TCF20: variants seen among roughly 807,000 people sequenced by gnomAD.
The protein encoded by TCF20 is transcription factor 20.
In TCF20, 3 loss-of-function variants were observed where a neutral mutation model predicts 148.6. The observed-to-expected ratio is 0.02, with a 90% confidence interval of 0.01 to 0.05. The LOEUF (loss-of-function observed/expected upper bound fraction) is 0.05. Ranked by LOEUF, TCF20 falls within the 10% of genes least tolerant of loss-of-function variation. TCF20 has a pLI of 1.00. For missense variants in TCF20, 2,350 were observed against 2,429.3 expected, an observed-to-expected ratio of 0.97 and a Z score of 0.69; for synonymous variants, 1,049 against 909.5, an observed-to-expected ratio of 1.15 and a Z score of -2.76.
chr22:42,269,767 G>C (rs1387174427), intron 1 of TCF20: 1 of 152,792 alleles, frequency 6.5e-6, no homozygotes, highest in Non-Finnish European at 1.5e-5. Context: ...CAACAGGCGA[G>C]AAGCAGCCGC....
At chr22:42,179,535 G>C in intron 3 of TCF20, 74 bp downstream of exon 3, 36 of 642,380 alleles carry the variant, frequency 5.6e-5, no homozygotes, top group Non-Finnish European at 8.6e-5. Context: ...AAAAAACAAC[G>C]ACAACAGAGA....
intron 1 of TCF20, among the ~76,000 whole-genome samples, chr22:42,313,474 G>C (rs1382786044): frequency 2.0e-5 from 3 of 152,142 alleles, no homozygotes; most frequent in African/African-American, 4.8e-5. Flanking sequence ...ACCTCCTCCA[G>C]GGGGTGCCTC....
Position 42,214,923 on chromosome 22 carries a change from T to C in TCF20, c.383A>G (p.Asn128Ser), listed in dbSNP as rs748499160. The C allele has an allele frequency of 1.7e-5, 28 of 1,614,058 alleles. No individual in the cohort carries two copies. Among genetic ancestry groups the C allele is most frequent in the Admixed American group, 8.3e-5 (5 of 59,998 alleles). ...YGPPQGSSFG[N>S]QYGSEGHVGQ... is the part of the protein sequence containing the mutation. ...CACATGACCCTCACTCCCATACTGA[T>C]TGCCAAAGCTGCTCCCCTGGGGGGG... The change falls in exon 2 of 6, where the codon AAT becomes AGT. Residue 128 changes from asparagine to serine, a missense_variant. Coordinates refer to ENST00000677622, the MANE Select transcript of TCF20 (RefSeq NM_001378418.1).
intron 1 of TCF20, among the ~76,000 whole-genome samples, chr22:42,337,922 G>A (rs1928093909): frequency 6.6e-6 from 1 of 152,200 alleles, no homozygotes; most frequent in Non-Finnish European, 1.5e-5. Flanking sequence ...AATCCAGAAT[G>A]GGCCTGGGAG....
At chr22:42,295,827 C>T (rs1168795131) in intron 1 of TCF20, among the ~76,000 whole-genome samples, 2 of 152,170 alleles carry the variant, frequency 1.3e-5, no homozygotes, top group Non-Finnish European at 2.9e-5. Context: ...CCTTGAACTC[C>T]CCACCTCAGC....
intron 2 of TCF20, among the ~76,000 whole-genome samples, chr22:42,189,709 C>A (rs548052183): frequency 6.6e-6 from 1 of 152,316 alleles, no homozygotes; most frequent in South Asian, 2.1e-4. Context: ...TGCTAGCAAG[C>A]TTTTTTTCCG....
rs1927663492 is a variant in TCF20 at position 42,317,974 on chromosome 22, G to A, written c.-37+25505C>T. ...ACACTCCCAGAGCCCTATGGGGCAG[G>A]CAGGCCCAGGCCCAGACAAGCCCCT... On this transcript the variant is annotated intron_variant, in intron 1 of 1. Transcript: ENST00000515426. The surrounding 1 kb of genome is among the most constrained non-coding windows in gnomAD (Gnocchi z 4.2). Among the ~76,000 whole-genome samples, 1 of 152,182 alleles carries A rather than the reference G, an allele frequency of 6.6e-6. No individual in the cohort carries two copies. The highest frequency in any genetic ancestry group is 2.1e-4 in the South Asian group (1 of 4,836).
Position 42,279,113 on chromosome 22 carries a change from C to T in TCF20, c.-37+4714G>A, listed in dbSNP as rs1183186466. ...GTTTTGTGTCTCCCCAGCCTCCTCC[C>T]CTAGGGCTCTCTAGGCTTCCTTTAC... On this transcript the variant is annotated intron_variant, in intron 1 of 5. Transcript: ENST00000359486. The surrounding 1 kb of genome is among the most constrained non-coding windows in gnomAD (Gnocchi z 4.3). 6.6e-6 allele frequency among the ~76,000 whole-genome samples: 1 copy of T among 152,150 alleles called. No homozygotes were observed. The highest frequency in any genetic ancestry group is 1.5e-5 in the Non-Finnish European group (1 of 68,020).
At chr22:42,180,073 C>T (rs1347372126) in intron 2 of TCF20, among the ~76,000 whole-genome samples, 1 of 152,150 alleles carries the variant, frequency 6.6e-6, no homozygotes, top group African/African-American at 2.4e-5. Flanking sequence ...GAGCGGCCTG[C>T]AGATCTTCCC....
intron 1 of TCF20, among the ~76,000 whole-genome samples, chr22:42,255,391 A>G (rs1364235479): frequency 6.6e-6 from 1 of 152,010 alleles, no homozygotes; most frequent in Non-Finnish European, 1.5e-5. Context: ...TGGGAGGCTA[A>G]GGCAGGGGCA....
At chr22:42,249,848 G>A (rs1313050612) in intron 1 of TCF20, among the ~76,000 whole-genome samples, 3 of 152,170 alleles carry the variant, frequency 2.0e-5, no homozygotes, top group Non-Finnish European at 4.4e-5. Flanking sequence ...TATAAATTGT[G>A]TAGAGACTTT....
At chr22:42,341,554 C>T (rs1928168736) in intron 1 of TCF20, among the ~76,000 whole-genome samples, 3 of 152,290 alleles carry the variant, frequency 2.0e-5, no homozygotes, top group East Asian at 3.9e-4. Context: ...ATCCTGCTCA[C>T]AGGCAGAAGA....
In TCF20 at chr22:42,242,223, AAAAAC is replaced by A. The variant is rs1186677357; in HGVS notation, c.-36-26887_-36-26883del. ...GCCTCAAAAAAAAAAAAAAAAAAAA[AAAAAC>A]AGAAAAGAAAGGGTGACTACAAGGT... On this transcript the variant is annotated intron_variant, in intron 1 of 5. Coordinates refer to ENST00000677622, the MANE Select transcript of TCF20 (RefSeq NM_001378418.1). Among the ~76,000 whole-genome samples the A allele has an allele frequency of 1.0e-4, 15 of 148,926 alleles. 1 individual carries two copies. The highest frequency in any genetic ancestry group is 3.8e-4 in the African/African-American group (15 of 39,352).
intron 1 of TCF20, among the ~76,000 whole-genome samples, chr22:42,227,824 C>G (rs900282946): frequency 3.3e-5 from 5 of 152,204 alleles, no homozygotes; most frequent in Non-Finnish European, 2.9e-5. Context: ...GTATTCTTCC[C>G]AGGACATTGC....
chr22:42,176,248 CTG>C (rs1410751390), intron 3 of TCF20, among the ~76,000 whole-genome samples: 1 of 152,212 alleles, frequency 6.6e-6, no homozygotes, highest in South Asian at 2.1e-4. Flanking sequence ...TTCTTTTTAA[CTG>C]TTTCTCCTAC....
chr22:42,287,754 C>T (rs757516996), upstream of TCF20, among the ~76,000 whole-genome samples: 1 of 152,118 alleles, frequency 6.6e-6, no homozygotes. Context: ...AAACCAGCCC[C>T]CTTTCAAAGG....
At chr22:42,241,351 GGA>G (rs951468853) in intron 1 of TCF20, among the ~76,000 whole-genome samples, 2 of 152,048 alleles carry the variant, frequency 1.3e-5, no homozygotes, top group Non-Finnish European at 2.9e-5. Context: ...TCCAAATACT[GGA>G]GATATCAGGA....
chr22:42,210,947 T>C lies in TCF20; in HGVS notation c.4359A>G (p.Thr1453=). 6.2e-7 allele frequency: 1 copy of C among 1,614,182 alleles called. No homozygotes were observed. The highest frequency in any genetic ancestry group is 8.5e-7 in the Non-Finnish European group (1 of 1,180,040). The change falls in exon 2 of 6, where the codon ACA becomes ACG. Residue 1453 remains threonine, a synonymous_variant. Coordinates refer to ENST00000677622, the MANE Select transcript of TCF20 (RefSeq NM_001378418.1). This position sits in a 1 kb window ranked among gnomAD's most constrained non-coding sequence, Gnocchi z 4.7. ...CAGGGGGTTCCTTTCCGGCAGTAAC[T>C]GTTTCTGCATGTGTCTCTGTCTTCA... ...DKVKTETHAE[T]VTAGKEPPGA...
At chr22:42,307,455 C>T (rs954631437) in intron 1 of TCF20, among the ~76,000 whole-genome samples, 5 of 152,230 alleles carry the variant, frequency 3.3e-5, no homozygotes, top group Non-Finnish European at 5.9e-5. Context: ...TCCAATAGCC[C>T]GCTGATCCCT....
Sources: allele counts gnomAD v4.1 joint callset (sites outside exome capture counted in the v4.1 genomes callset), GRCh38; gene constraint gnomAD v4.1.1; non-coding constraint Gnocchi (gnomAD v3.1); transcripts MANE v1.5; gene names NCBI Gene and HGNC (gene_info 2026-07-23, HGNC 2026-07-21).